The following CSMD3 variants were observed in gnomAD, a reference collection of about 807,000 sequenced individuals.
CSMD3 encodes CUB and Sushi multiple domains 3.
In CSMD3, 177 loss-of-function variants were observed where a neutral mutation model predicts 435.2. The ratio of observed to expected loss-of-function variants is 0.41; its 90% CI spans 0.36 to 0.46. CSMD3 has a LOEUF of 0.46. CSMD3 is among the 20% of genes least tolerant of loss of function. The pLI is 0.34. For synonymous variants in CSMD3, 1,656 were observed against 1,520.5 expected (o/e 1.09, Z -2.07); for missense variants, 4,265 against 4,504.6 (o/e 0.95, Z 1.52).
chr8:112,258,274 A>T (rs1444384481), intron 61 of CSMD3, among the ~76,000 whole-genome samples: 1 of 152,242 alleles, frequency 6.6e-6, no homozygotes, highest in East Asian at 1.9e-4. Context: ...GCCAAATTTG[A>T]CAAATGGGAT....
chr8:112,870,830 G>T (rs1277829089), intron 10 of CSMD3, among the ~76,000 whole-genome samples: 1 of 151,744 alleles, frequency 6.6e-6, no homozygotes, highest in Non-Finnish European at 1.5e-5. Context: ...GAAAAAAAAA[G>T]AAATACTAAA....
At chr8:113,192,046 T>A (rs2092594177) in intron 3 of CSMD3, among the ~76,000 whole-genome samples, 1 of 151,930 alleles carries the variant, frequency 6.6e-6, no homozygotes, top group South Asian at 2.1e-4. Flanking sequence ...TTCTCTATCT[T>A]CTTTTGAGAA....
At position 112,547,171 on chromosome 8, in the gene CSMD3, G is replaced by A. The variant is rs879349069; in HGVS notation, c.4564+3500C>T. The stretch of plus-strand genomic sequence containing the variant: ...AGGAGCATCCTGGTTTGTGCCTATT[G>A]CTGAGCTTAATTTTTATTAGCACTT... On this transcript the variant is annotated intron_variant, in intron 27 of 70. Coordinates refer to ENST00000297405, the MANE Select transcript of CSMD3 (RefSeq NM_198123.2). Among the ~76,000 whole-genome samples, 9 of 152,088 alleles carry A rather than the reference G, an allele frequency of 5.9e-5. 1 individual carries two copies. The highest frequency in any genetic ancestry group is 5.2e-4 in the Admixed American group (8 of 15,252).
At chr8:112,431,749 C>A (rs1239973237) in intron 32 of CSMD3, among the ~76,000 whole-genome samples, 1 of 152,132 alleles carries the variant, frequency 6.6e-6, no homozygotes. Context: ...GCTACATACT[C>A]CTTTTTGAGG....
At chr8:112,567,055 T>C (rs566276115) in intron 24 of CSMD3, among the ~76,000 whole-genome samples, 1 of 152,258 alleles carries the variant, frequency 6.6e-6, no homozygotes, top group African/African-American at 2.4e-5. Flanking sequence ...GTCTTTGACC[T>C]AGATTCCCTT....
At chr8:113,121,652 T>C (rs1476220612) in intron 4 of CSMD3, among the ~76,000 whole-genome samples, 1 of 152,070 alleles carries the variant, frequency 6.6e-6, no homozygotes. Context: ...AGTAAATCCT[T>C]TCCCTAAAGG....
chr8:112,352,655 G>T (rs756352566), intron 38 of CSMD3, 121 bp from the exon 39 acceptor site: 1 of 838,324 alleles, frequency 1.2e-6, no homozygotes. Context: ...ATATTGAGAC[G>T]TTGAGAACGT....
At chr8:112,448,650 T>C (rs1050226506) in intron 32 of CSMD3, among the ~76,000 whole-genome samples, 1 of 151,782 alleles carries the variant, frequency 6.6e-6, no homozygotes, top group African/African-American at 2.4e-5. Flanking sequence ...TTCAAAACTG[T>C]GAGAGATTAC....
At chr8:112,634,829 C>T (rs568990879) in intron 22 of CSMD3, among the ~76,000 whole-genome samples, 9 of 151,750 alleles carry the variant, frequency 5.9e-5, no homozygotes, top group African/African-American at 1.9e-4. Flanking sequence ...TGATAGATTC[C>T]TTCTAGAATC....
chr8:112,480,268 A>G (rs1279760408), intron 31 of CSMD3, among the ~76,000 whole-genome samples: 1 of 152,164 alleles, frequency 6.6e-6, no homozygotes, highest in Non-Finnish European at 1.5e-5. Context: ...GGAGTAAATA[A>G]CTTGTTTTGA....
chr8:112,362,705 G>A (rs766001784), intron 38 of CSMD3, among the ~76,000 whole-genome samples: 11 of 151,812 alleles, frequency 7.2e-5, no homozygotes, highest in East Asian at 1.9e-4. Context: ...ATTAGAGCGC[G>A]GTGGAACAAT....
At chr8:112,565,918 G>T (rs1218412493) in intron 24 of CSMD3, among the ~76,000 whole-genome samples, 3 of 151,848 alleles carry the variant, frequency 2.0e-5, no homozygotes, top group Non-Finnish European at 1.5e-5. Flanking sequence ...ATGAATGATA[G>T]CAGGAATAAG....
intron 32 of CSMD3, among the ~76,000 whole-genome samples, chr8:112,461,813 G>A (rs564274292): frequency 2.0e-5 from 3 of 152,240 alleles, no homozygotes; most frequent in South Asian, 2.1e-4. Flanking sequence ...AAAAGATTCA[G>A]AATTTAGGTT....
intron 1 of CSMD3, among the ~76,000 whole-genome samples, chr8:113,429,811 G>A (rs2094659791): frequency 6.6e-6 from 1 of 152,050 alleles, no homozygotes; most frequent in African/African-American, 2.4e-5. Flanking sequence ...TGGAATTAAT[G>A]GTCTTTGAAA....
At chr8:112,304,239 A>G (rs1821198999) in intron 52 of CSMD3, among the ~76,000 whole-genome samples, 1 of 152,144 alleles carries the variant, frequency 6.6e-6, no homozygotes. Flanking sequence ...TAGTTTTAGA[A>G]TTTGGAATCA....
intron 1 of CSMD3, among the ~76,000 whole-genome samples, chr8:113,328,735 CTTTTTTTTTTT>C (rs71281211): frequency 1.7e-5 from 1 of 57,198 alleles, no homozygotes; most frequent in Non-Finnish European, 2.8e-5. Context: ...TCCTTCTTTT[CTTTTTTTTTTT>C]TTTTTTTTTT....
chr8:113,046,728 C>T, intron 5 of CSMD3, among the ~76,000 whole-genome samples: 1 of 152,172 alleles, frequency 6.6e-6, no homozygotes, highest in East Asian at 1.9e-4. Flanking sequence ...GGACAAGATT[C>T]ATAAGGGAGT....
At chr8:112,455,607 A>G (rs62516477) in intron 32 of CSMD3, among the ~76,000 whole-genome samples, 1 of 51,546 alleles carries the variant, frequency 1.9e-5, no homozygotes, top group African/African-American at 4.4e-5. Flanking sequence ...AAATAAATAA[A>G]TAAATAAATA....
rs549399016 is a variant in CSMD3 at position 113,020,616 on chromosome 8, ATAAGAGTTTCAGAT to A, written c.918-1451_918-1438del. ...GTTTCTTAATAACACGTTCTTAATAATAAGAGTTTCAGATTAAGAGTTTCAGATTAAGGTTTCTT... is the reference window on the plus strand; with the variant it reads ...GTTTCTTAATAACACGTTCTTAATAATAAGAGTTTCAGATTAAGGTTTCTT... On this transcript the variant is annotated intron_variant, in intron 5 of 70. Transcript: ENST00000297405. Among the ~76,000 whole-genome samples the A allele has an allele frequency of 2.4e-3, 368 of 152,310 alleles. 2 individuals are homozygous for A. Among genetic ancestry groups the A allele is most frequent in the African/African-American group, 7.2e-3 (301 of 41,568 alleles).
Sources: allele counts gnomAD v4.1 joint callset (sites outside exome capture counted in the v4.1 genomes callset), GRCh38; gene constraint gnomAD v4.1.1; transcripts MANE v1.5; gene names NCBI Gene and HGNC (gene_info 2026-07-23, HGNC 2026-07-21).